CHCHD3: variants seen among roughly 807,000 people sequenced by gnomAD.
CHCHD3 encodes the protein coiled-coil-helix-coiled-coil-helix domain containing 3.
CHCHD3 carries 20 observed loss-of-function variants against 38.2 expected under a neutral mutation model. That is an observed-to-expected ratio of 0.52 (90% CI 0.37 to 0.76). The LOEUF is 0.76. CHCHD3 is among the 30% of genes least tolerant of loss of function. CHCHD3 has a pLI of 0.00. For synonymous variants in CHCHD3, 82 were observed against 100.0 expected (o/e 0.82, Z 1.07); for missense variants, 245 against 279.2 (o/e 0.88, Z 0.87).
chr7:133,067,851 T>C (rs1033722308), intron 2 of CHCHD3, among the ~76,000 whole-genome samples: 2 of 152,236 alleles, frequency 1.3e-5, no homozygotes, highest in South Asian at 2.1e-4. Context: ...GCACGGTGGC[T>C]CACGCCTGTA....
chr7:132,990,763 G>A (rs1031469921), intron 3 of CHCHD3, among the ~76,000 whole-genome samples: 35 of 152,152 alleles, frequency 2.3e-4, no homozygotes, highest in African/African-American at 8.0e-4. Context: ...CAGACAAAGA[G>A]ATGACATTAC....
At chr7:132,851,814 G>A (rs1808225292) in intron 5 of CHCHD3, among the ~76,000 whole-genome samples, 1 of 152,214 alleles carries the variant, frequency 6.6e-6, no homozygotes, top group Non-Finnish European at 1.5e-5. Flanking sequence ...ACATTTAATA[G>A]CACATCCACT....
chr7:133,059,108 T>G (rs1362807900), intron 2 of CHCHD3, among the ~76,000 whole-genome samples: 1 of 152,096 alleles, frequency 6.6e-6, no homozygotes, highest in African/African-American at 2.4e-5. Flanking sequence ...AGGAAATGAA[T>G]GATGGCAGAA....
intron 4 of CHCHD3, among the ~76,000 whole-genome samples, chr7:132,897,226 C>T (rs756820824): frequency 3.9e-5 from 6 of 152,198 alleles, no homozygotes; most frequent in Non-Finnish European, 8.8e-5. Flanking sequence ...CTCAGAAGCA[C>T]TCTGACATAG....
At chr7:132,797,416 T>C (rs1211663797) in intron 6 of CHCHD3, among the ~76,000 whole-genome samples, 13 of 152,200 alleles carry the variant, frequency 8.5e-5, no homozygotes, top group Admixed American at 8.5e-4. Flanking sequence ...CAGTCTATCA[T>C]TCCCTTTATG....
rs186110511 is a variant in CHCHD3 at position 132,973,180 on chromosome 7, G to C, written c.369+1989C>G. ...ATTCAGGCAAAAAGAGGTGGAGAAA[G>C]AGTGCTTCAAAGATAAGATTCAAAA... On this transcript the variant is annotated intron_variant, in intron 4 of 7. Transcript: ENST00000262570. 2.1e-3 allele frequency: 2,085 copies of C among 985,376 alleles called. 16 individuals carry two copies. In the South Asian group the frequency reaches 0.036, roughly 17 times the overall value. 61.0% of individuals were successfully genotyped at this position (985,376 alleles called of 1,614,324 possible).
chr7:132,898,771 C>T (rs578126825), intron 4 of CHCHD3, among the ~76,000 whole-genome samples: 9 of 152,346 alleles, frequency 5.9e-5, no homozygotes, highest in South Asian at 2.1e-4. Context: ...AGCTAAGGCC[C>T]GGCGAGAAAT....
chr7:132,919,036 T>C (rs1423668246), intron 4 of CHCHD3, among the ~76,000 whole-genome samples: 1 of 151,862 alleles, frequency 6.6e-6, no homozygotes, highest in African/African-American at 2.4e-5. Context: ...AGATAAGAGC[T>C]TATACTGTAT....
chr7:132,838,589 TC>T (rs1435692695), intron 5 of CHCHD3, 120 bp from the exon 6 acceptor site: 1 of 679,238 alleles, frequency 1.5e-6, no homozygotes. Flanking sequence ...TAGAAGACTT[TC>T]TTGTATAGGT....
At chr7:133,044,680 T>A (rs1813926314) in intron 2 of CHCHD3, among the ~76,000 whole-genome samples, 1 of 152,248 alleles carries the variant, frequency 6.6e-6, no homozygotes, top group Admixed American at 6.5e-5. Context: ...TTTTGTGAAA[T>A]ACAAAAAGAC....
intron 2 of CHCHD3, among the ~76,000 whole-genome samples, chr7:133,052,992 T>C (rs1375749254): frequency 1.3e-5 from 2 of 152,232 alleles, no homozygotes; most frequent in Non-Finnish European, 2.9e-5. Context: ...GCATTCTGGA[T>C]CCCTTTGTTC....
At chr7:132,951,727 T>G (rs1811040762) in intron 4 of CHCHD3, among the ~76,000 whole-genome samples, 1 of 152,224 alleles carries the variant, frequency 6.6e-6, no homozygotes, top group African/African-American at 2.4e-5. Context: ...AATATAGAAT[T>G]TGCAGTTTTA....
chr7:132,808,469 A>T (rs1806986840), intron 6 of CHCHD3, among the ~76,000 whole-genome samples: 1 of 152,206 alleles, frequency 6.6e-6, no homozygotes, highest in South Asian at 2.1e-4. Flanking sequence ...TCTCTTCACC[A>T]GTCAGTAGCT....
intron 2 of CHCHD3, among the ~76,000 whole-genome samples, chr7:133,054,737 C>T (rs907952014): frequency 1.8e-4 from 27 of 152,100 alleles, no homozygotes; most frequent in African/African-American, 6.3e-4. Context: ...TATACATTTG[C>T]CTATACTGGA....
intron 2 of CHCHD3, among the ~76,000 whole-genome samples, chr7:133,033,518 G>T (rs562493559): frequency 1.3e-5 from 2 of 152,074 alleles, no homozygotes; most frequent in Non-Finnish European, 2.9e-5. Flanking sequence ...CCACCACTGC[G>T]CACCATTGTT....
At chr7:132,889,481 T>C (rs576021335) in intron 4 of CHCHD3, among the ~76,000 whole-genome samples, 17 of 152,298 alleles carry the variant, frequency 1.1e-4, no homozygotes, top group East Asian at 5.8e-4. Context: ...TGTACAGCTA[T>C]ATGCTCACTC....
intron 2 of CHCHD3, among the ~76,000 whole-genome samples, chr7:133,030,814 G>A (rs1163681767): frequency 6.6e-6 from 1 of 152,148 alleles, no homozygotes; most frequent in East Asian, 1.9e-4. Context: ...TATAAACACT[G>A]ATCATAAAAC....
intron 2 of CHCHD3, among the ~76,000 whole-genome samples, chr7:133,054,323 A>G (rs1408581086): frequency 6.6e-6 from 1 of 152,232 alleles, no homozygotes; most frequent in East Asian, 1.9e-4. Flanking sequence ...TCTGACAGAG[A>G]GAATGAGGTC....
chr7:133,078,715 G>A (rs748670732), intron 1 of CHCHD3, among the ~76,000 whole-genome samples: 6 of 152,318 alleles, frequency 3.9e-5, no homozygotes, highest in East Asian at 3.9e-4. Flanking sequence ...ACAGGAGACC[G>A]TCTGTACTAT....
Sources: gnomAD v4.1 joint callset for allele counts (sites outside exome capture counted in the v4.1 genomes callset) on GRCh38, gnomAD v4.1.1 for gene constraint, MANE v1.5 for transcripts, NCBI Gene and HGNC (gene_info 2026-07-23, HGNC 2026-07-21) for gene names.